ZFAND1: variants seen among roughly 807,000 people sequenced by gnomAD.
The protein encoded by ZFAND1 is AN1-type zinc finger protein 1.
A neutral mutation model predicts 38.5 loss-of-function variants in ZFAND1; 40 were observed. The observed-to-expected ratio is 1.04, with a 90% CI of 0.81 to 1.35. The LOEUF (loss-of-function observed/expected upper bound fraction) is 1.35. Ranked by LOEUF, ZFAND1 falls within the 40% of genes most tolerant of loss-of-function variation. ZFAND1 has a pLI of 0.00. For missense variants in ZFAND1, 346 were observed against 316.3 expected, an observed-to-expected ratio of 1.09 and a Z score of -0.71; for synonymous variants, 117 against 103.6, an observed-to-expected ratio of 1.13 and a Z score of -0.78.
rs543420883 is a variant in ZFAND1 at position 81,713,466 on chromosome 8, A to G, written c.480+452T>C. On this transcript the variant is annotated intron_variant, in intron 6 of 7. Transcript: ENST00000220669. ...TAACAAATATCATAATATAACACAT[A>G]TAACACTCAACTGTGTTAAGGTATG... 2.0e-5 allele frequency among the ~76,000 whole-genome samples: 3 copies of G among 152,254 alleles called. No individual in the cohort carries two copies. In the South Asian group the frequency reaches 6.2e-4, roughly 32 times the overall value.
At chr8:81,713,456 T>C (rs532823686) in intron 6 of ZFAND1, among the ~76,000 whole-genome samples, 19 of 152,222 alleles carry the variant, frequency 1.2e-4, no homozygotes, top group African/African-American at 4.3e-4. Context: ...AATATCATAA[T>C]ATAACACATA....
intron 1 of ZFAND1, among the ~76,000 whole-genome samples, chr8:81,718,502 C>T (rs1051534878): frequency 1.3e-5 from 2 of 151,686 alleles, no homozygotes; most frequent in Non-Finnish European, 2.9e-5. Flanking sequence ...TTTTGTTTCC[C>T]AGATTTACTA....
rs770358468 is a variant in ZFAND1 at position 81,713,971 on chromosome 8, C to A, written c.427G>T (p.Val143Phe). Residue 143 changes from valine (V) to phenylalanine (F), a missense_variant, in exon 6 of 8, where the codon GTT becomes TTT. Val to Phe is a conservative substitution (Grantham distance 50). Transcript: ENST00000220669. ...TGCATCTTTAATTTCATCAATGCAA[C>A]CTTTGCAGCTGTTTCACTATTTTTG... ...GAKNSETAAKVALMKLKMHAD... is the reference protein window; with the variant it reads ...GAKNSETAAKFALMKLKMHAD... The A allele has an allele frequency of 6.2e-6, 10 of 1,612,720 alleles. No individual in the cohort carries two copies. In the East Asian group the frequency reaches 6.7e-5, roughly 11 times the overall value.
At chr8:81,707,177 C>T (rs1053265011) in intron 6 of ZFAND1, among the ~76,000 whole-genome samples, 1 of 152,172 alleles carries the variant, frequency 6.6e-6, no homozygotes, top group Non-Finnish European at 1.5e-5. Flanking sequence ...ATAGAACCCA[C>T]TCAGGTATTC....
intron 6 of ZFAND1, 83 bp downstream of exon 6, chr8:81,713,835 G>A (rs2130422899): frequency 2.2e-6 from 3 of 1,368,762 alleles, no homozygotes; most frequent in African/African-American, 1.4e-5. Flanking sequence ...TAGGTTAGTT[G>A]TTAATTGATG....
intron 6 of ZFAND1, among the ~76,000 whole-genome samples, chr8:81,705,214 A>C (rs1807940698): frequency 6.6e-6 from 1 of 152,186 alleles, no homozygotes; most frequent in Admixed American, 6.5e-5. Flanking sequence ...CTTAAGTATA[A>C]AATTGCCAGA....
chr8:81,705,058 G>T (rs983143510), intron 6 of ZFAND1, among the ~76,000 whole-genome samples: 3 of 152,146 alleles, frequency 2.0e-5, no homozygotes, highest in African/African-American at 7.2e-5. Context: ...AGAAGAGGAG[G>T]AGGTCAGCTT....
At chr8:81,712,089 T>A (rs1808154949) in intron 6 of ZFAND1, among the ~76,000 whole-genome samples, 1 of 152,254 alleles carries the variant, frequency 6.6e-6, no homozygotes, top group Admixed American at 6.5e-5. Context: ...TATTTGATGA[T>A]CTAACGACAG....
chr8:81,713,060 T>G (rs891210154), intron 6 of ZFAND1, among the ~76,000 whole-genome samples: 4 of 152,186 alleles, frequency 2.6e-5, no homozygotes, highest in African/African-American at 9.6e-5. Flanking sequence ...CTCAATCCAT[T>G]AGGGATTGGA....
intron 6 of ZFAND1, chr8:81,708,901 C>A: frequency 1.5e-6 from 1 of 658,788 alleles, no homozygotes; most frequent in South Asian, 1.9e-5. Context: ...ACTAGAGCCA[C>A]AAAACTATAC....
intron 6 of ZFAND1, among the ~76,000 whole-genome samples, chr8:81,711,090 T>C (rs997557118): frequency 2.0e-5 from 3 of 152,182 alleles, no homozygotes; most frequent in African/African-American, 2.4e-5. Context: ...ACCAAATAAG[T>C]ATATTGTTAT....
rs1807855656 is a variant in ZFAND1 at position 81,702,949 on chromosome 8, T to C, written c.636+20A>G. On this transcript the variant is annotated intron_variant, in intron 7 of 7. Transcript: ENST00000220669. Reference sequence around the variant, plus strand: ...TAAAACCTTTATTAATATAGAAATATTATTATAATGAGATGTTACCTTAGC... The same window carrying C: ...TAAAACCTTTATTAATATAGAAATACTATTATAATGAGATGTTACCTTAGC... 6.7e-7 allele frequency: 1 copy of C among 1,492,760 alleles called. No individual in the cohort carries two copies. The highest frequency in any genetic ancestry group is 1.4e-5 in the South Asian group (1 of 71,454). The allele number at this position is 1,492,760 out of a possible 1,614,324, so 92.5% of individuals were successfully genotyped here.
chr8:81,712,814 T>G (rs1808177406), intron 6 of ZFAND1, among the ~76,000 whole-genome samples: 1 of 152,144 alleles, frequency 6.6e-6, no homozygotes, highest in Admixed American at 6.5e-5. Flanking sequence ...TCAGCATAAT[T>G]CCTACCAAAA....
chr8:81,705,062 T>TCAGC (rs1807935639), intron 6 of ZFAND1, among the ~76,000 whole-genome samples: 1 of 151,704 alleles, frequency 6.6e-6, no homozygotes, highest in Non-Finnish European at 1.5e-5. Context: ...GAGGAGGAGG[T>TCAGC]CAGCTTATAG....
rs779313466 is a variant in ZFAND1, at chr8:81,715,019, T to C, written c.234A>G (p.Ile78Met). ...DCAERELVAV[I>M]CPYCEKNFCL... Reference sequence around the variant, plus strand: ...AAAAATTCTTCTCACAATAAGGACATATAACTGCCACAAGTTCTCTCTCAG... The same window carrying C: ...AAAAATTCTTCTCACAATAAGGACACATAACTGCCACAAGTTCTCTCTCAG... Residue 78 changes from isoleucine (I) to methionine (M), a missense_variant, in exon 4 of 8, where the codon ATA becomes ATG. Ile to Met is a conservative substitution (Grantham distance 10). Coordinates refer to ENST00000220669, the MANE Select transcript of ZFAND1 (RefSeq NM_024699.3). The C allele has an allele frequency of 2.4e-5, 38 of 1,613,936 alleles. No individual in the cohort carries two copies. Among genetic ancestry groups the C allele is most frequent in the Non-Finnish European group, 3.1e-5 (37 of 1,179,926 alleles).
chr8:81,704,111 A>C (rs11991098), intron 6 of ZFAND1, among the ~76,000 whole-genome samples: 1,985 of 103,970 alleles, frequency 0.019, 32 homozygotes, highest in African/African-American at 0.057. Flanking sequence ...TAAAAACAAA[A>C]AAAAAAAAAG....
intron 3 of ZFAND1, among the ~76,000 whole-genome samples, chr8:81,716,491 A>C (rs1808315279): frequency 1.3e-5 from 2 of 152,212 alleles, no homozygotes; most frequent in South Asian, 4.1e-4. Flanking sequence ...GAATTTTATT[A>C]AACTATAGGT....
At chr8:81,709,350 A>G (rs1215062324) in intron 6 of ZFAND1, among the ~76,000 whole-genome samples, 6 of 152,172 alleles carry the variant, frequency 3.9e-5, no homozygotes. Context: ...AGTGGCATAT[A>G]AACTCCAGGA....
At chr8:81,716,859 A>G (rs1354659374) in intron 3 of ZFAND1, among the ~76,000 whole-genome samples, 3 of 152,174 alleles carry the variant, frequency 2.0e-5, no homozygotes. Flanking sequence ...AGCCAGGAGA[A>G]TCACTTGAAC....
Sources: gnomAD v4.1 joint callset for allele counts (sites outside exome capture counted in the v4.1 genomes callset) on GRCh38, gnomAD v4.1.1 for gene constraint, MANE v1.5 for transcripts, NCBI Gene and HGNC (gene_info 2026-07-23, HGNC 2026-07-21) for gene names.